ARHGAP4: variants seen among roughly 807,000 people sequenced by gnomAD.
ARHGAP4 encodes Rho GTPase activating protein 4, also known as rho GTPase-activating protein 4.
In ARHGAP4, 25 loss-of-function variants were observed where a neutral mutation model predicts 67.6. That is an observed-to-expected ratio of 0.37 (90% CI 0.27 to 0.52). The LOEUF is 0.52. Ranked by LOEUF, ARHGAP4 falls within the 20% of genes least tolerant of loss-of-function variation. The probability of loss-of-function intolerance (pLI) is 0.92; values close to 1 mark genes in which losing one functional copy is unlikely to be tolerated. For synonymous variants in ARHGAP4, 448 were observed against 373.7 expected, an observed-to-expected ratio of 1.20 and a Z score of -2.29; for missense variants, 804 against 854.6, an observed-to-expected ratio of 0.94 and a Z score of 0.74.
chrX:153,908,980 G>C (rs1275490978), intron 21 of ARHGAP4, 90 bp downstream of exon 21: 9 of 984,731 alleles, frequency 9.1e-6, no homozygotes, highest in Non-Finnish European at 1.3e-5. Context: ...GCAACGACTG[G>C]AACCTCGAGG....
At chrX:153,914,669 C>T (rs1375271863) in intron 7 of ARHGAP4, among the ~76,000 whole-genome samples, 2 of 112,108 alleles carry the variant, frequency 1.8e-5, no homozygotes, top group Non-Finnish European at 3.8e-5. Flanking sequence ...TGCACTCCAG[C>T]CTGGGCGACA....
At position 153,907,709 on chromosome X, in the gene ARHGAP4, G is replaced by A. The variant is rs2064980686; in HGVS notation, c.*20C>T. The A allele has an allele frequency of 1.0e-5, 9 of 884,170 alleles. No homozygotes were observed. Among genetic ancestry groups the A allele is most frequent in the Non-Finnish European group, 1.2e-5 (8 of 672,465 alleles). The allele number at this position is 884,170 out of a possible 1,213,427, so 72.9% of individuals were successfully genotyped here. A position where few individuals can be genotyped will look rare whatever the true frequency, so the allele number is the denominator to read the frequency against. On this transcript the variant is annotated 3_prime_UTR_variant, in exon 22 of 22. Coordinates refer to ENST00000350060, the MANE Select transcript of ARHGAP4 (RefSeq NM_001666.5). ...TCCAGCGGGTAGCCGCCGGGGGCAC[G>A]CATCTCCAGCAGCGGCACCTCAGTG...
intron 1 of ARHGAP4, chrX:153,922,438 C>A: frequency 1.3e-6 from 1 of 751,621 alleles, no homozygotes; most frequent in South Asian, 6.8e-5. Flanking sequence ...CGTCTTCTGA[C>A]CCCACTTCCC....
chrX:153,910,425 C>T (rs1260524822), intron 16 of ARHGAP4, 21 bp from the exon 17 acceptor site: 3 of 1,187,794 alleles, frequency 2.5e-6, no homozygotes, highest in African/African-American at 3.5e-5. Flanking sequence ...ACGCACATCA[C>T]AAGCAGAGAG....
At chrX:153,913,687 G>C in intron 8 of ARHGAP4, 87 bp from the exon 9 acceptor site, 2 of 1,164,364 alleles carry the variant, frequency 1.7e-6, no homozygotes, top group Non-Finnish European at 2.3e-6. Flanking sequence ...GGGCCAAAGG[G>C]AGGGGGGCAG....
intron 12 of ARHGAP4, among the ~76,000 whole-genome samples, chrX:153,911,525 GT>G (rs2065021233): frequency 8.9e-6 from 1 of 112,017 alleles, no homozygotes; most frequent in Non-Finnish European, 1.9e-5. Flanking sequence ...TTTTGATGAG[GT>G]TTTAGGCAGT....
intron 1 of ARHGAP4, among the ~76,000 whole-genome samples, chrX:153,923,035 G>A (rs1217195079): frequency 2.7e-5 from 3 of 111,064 alleles, no homozygotes; most frequent in African/African-American, 6.6e-5. Flanking sequence ...CTGGCTGTAC[G>A]TGGGCAGTAG....
chrX:153,912,180 C>A (rs1481902386), intron 12 of ARHGAP4, among the ~76,000 whole-genome samples: 1 of 107,937 alleles, frequency 9.3e-6, no homozygotes, highest in African/African-American at 3.4e-5. Flanking sequence ...TGCCACCATG[C>A]CTGGCTAATT....
Position 153,907,788 on chromosome X carries a change from G to A in ARHGAP4, c.2782C>T (p.Pro928Ser). Residue 928 changes from proline (P) to serine (S), a missense_variant, in exon 22 of 22, where the codon CCA (proline) becomes TCA (serine). Physicochemically the swap from Pro to Ser is moderately conservative, Grantham distance 74 (BLOSUM62 -1). Transcript: ENST00000350060. ...NKGFSRGPGA[P>S]ASPSASHPQG... is the part of the protein sequence containing the mutation. ...GGGTGGGAAGCTGAGGGTGAGGCTG[G>A]GGCCCCAGGGCCCCGGGAGAAGCCT... 9.9e-7 allele frequency: 1 copy of A among 1,009,944 alleles called. No individual in the cohort carries two copies. Among genetic ancestry groups the A allele is most frequent in the East Asian group, 3.7e-5 (1 of 27,217 alleles). 83.2% of individuals were successfully genotyped at this position (1,009,944 alleles called of 1,213,427 possible). A position where few individuals can be genotyped will look rare whatever the true frequency, so the allele number is the denominator to read the frequency against.
At chrX:153,922,486 C>T in intron 1 of ARHGAP4, 1 of 719,532 alleles carries the variant, frequency 1.4e-6, no homozygotes, top group South Asian at 7.2e-5. Context: ...TGCATTCCCC[C>T]ACCCTGCAGA....
chrX:153,911,451 T>C (rs2065020523), intron 12 of ARHGAP4, among the ~76,000 whole-genome samples: 1 of 110,359 alleles, frequency 9.1e-6, no homozygotes, highest in Non-Finnish European at 1.9e-5. Context: ...GAAGAACACA[T>C]CATCGTTGTC....
rs1557105289 is a variant in ARHGAP4 at position 153,921,435 on chromosome X, T to G, written c.365A>C (p.Glu122Ala). The G allele has an allele frequency of 8.3e-7, 1 of 1,207,859 alleles. No individual in the cohort carries two copies. The highest frequency in any genetic ancestry group is 1.7e-5 in the African/African-American group (1 of 57,353). ...QQSRESAALS[E>A]VLAGPLAQRL... is the part of the protein sequence containing the mutation. ...CTGGGCCAGGGGCCCGGCCAGCACC[T>G]CACTCAGGGCCGCGCTCTCCCGGCT... Residue 122 changes from glutamate (E) to alanine (A), a missense_variant, in exon 3 of 22, where the codon GAG (glutamate) becomes GCG (alanine). Physicochemically the swap from Glu to Ala is moderately radical, Grantham distance 107. Transcript: ENST00000350060.
In ARHGAP4 at chrX:153,910,781, C is replaced by T. The variant is rs1215454252; in HGVS notation, c.1735G>A (p.Gly579Arg). Residue 579 changes from glycine to arginine, a missense_variant, in exon 15 of 22, where the codon GGG (glycine) becomes AGG (arginine). Gly to Arg is a moderately radical substitution (Grantham distance 125). Coordinates refer to ENST00000350060, the MANE Select transcript of ARHGAP4 (RefSeq NM_001666.5). Reference sequence around the variant, plus strand: ...CTCCGGAAGTAGAGCTTCAGCACCCCGGCCACCGAGTCCAGGTCATGGGCA... The same window carrying T: ...CTCCGGAAGTAGAGCTTCAGCACCCTGGCCACCGAGTCCAGGTCATGGGCA... ...CTAHDLDSVA[G>R]VLKLYFRSLE... The T allele has an allele frequency of 2.4e-5, 29 of 1,190,293 alleles. No homozygotes were observed. The highest frequency in any genetic ancestry group is 3.1e-5 in the Non-Finnish European group (27 of 884,939).
intron 2 of ARHGAP4, 21 bp downstream of exon 2, chrX:153,921,584 C>G: frequency 8.3e-7 from 1 of 1,207,009 alleles, no homozygotes; most frequent in Non-Finnish European, 1.1e-6. Context: ...GCCGTGGCCC[C>G]CCTGCCAGCA....
rs1322701465 is a variant in ARHGAP4, at chrX:153,907,544, CT to C, written c.*184del. The C allele has an allele frequency of 3.2e-5, 12 of 379,174 alleles. No homozygotes were observed. The highest frequency in any genetic ancestry group is 5.4e-5 in the Non-Finnish European group (12 of 222,043). 31.2% of individuals were successfully genotyped at this position (379,174 alleles called of 1,213,427 possible). A position where few individuals can be genotyped will look rare whatever the true frequency, so the allele number is the denominator to read the frequency against. On this transcript the variant is annotated 3_prime_UTR_variant, in exon 22 of 22. Coordinates refer to ENST00000350060, the MANE Select transcript of ARHGAP4 (RefSeq NM_001666.5). ...CCTCCAAAAGGGGCCTGGGCCAGGG[CT>C]GAGGGGCAGGCAGGATGTGGAGCGG...
intron 1 of ARHGAP4, among the ~76,000 whole-genome samples, chrX:153,925,466 C>A (rs2065120270): frequency 8.9e-6 from 1 of 112,413 alleles, no homozygotes; most frequent in Admixed American, 9.4e-5. Context: ...TTACCATGCC[C>A]TGAATAAGAT....
Position 153,911,211 on chromosome X carries a change from T to TG in ARHGAP4, c.1543-23_1543-22insC. Reference sequence around the variant, plus strand: ...AGCTCTGGGGACAGAGGGTGTTTACTTCACCATGGACACAGCATGCCCTGT... The same window carrying TG: ...AGCTCTGGGGACAGAGGGTGTTTACTGTCACCATGGACACAGCATGCCCTGT... On this transcript the variant is annotated intron_variant, in intron 12 of 21. Transcript: ENST00000350060. The TG allele has an allele frequency of 2.7e-6, 3 of 1,129,617 alleles. No homozygotes were observed. The East Asian group carries it at 9.8e-5, about 37-fold the overall frequency. The allele number at this position is 1,129,617 out of a possible 1,213,427, so 93.1% of individuals were successfully genotyped here.
At chrX:153,917,041 C>T (rs369717959) in intron 7 of ARHGAP4, among the ~76,000 whole-genome samples, 17 of 111,456 alleles carry the variant, frequency 1.5e-4, no homozygotes, top group African/African-American at 5.2e-4. Flanking sequence ...TATGGTGAAA[C>T]CCTGTCTCTA....
chrX:153,921,194 C>A, intron 3 of ARHGAP4, 35 bp from the exon 4 acceptor site: 1 of 1,186,535 alleles, frequency 8.4e-7, no homozygotes, highest in Non-Finnish European at 1.1e-6. Flanking sequence ...ACGGCACTGC[C>A]CAGAGCGGCC....
Sources: gnomAD v4.1 joint callset for allele counts (sites outside exome capture counted in the v4.1 genomes callset) on GRCh38, gnomAD v4.1.1 for gene constraint, MANE v1.5 for transcripts, NCBI Gene and HGNC (gene_info 2026-07-23, HGNC 2026-07-21) for gene names.